Variants in STK3 observed in about 807,000 individuals in gnomAD.
STK3 encodes serine/threonine kinase 3, also known as serine/threonine-protein kinase 3.
In STK3, 41 loss-of-function variants were observed where a neutral mutation model predicts 58.0. The observed-to-expected ratio is 0.71, with a 90% CI of 0.55 to 0.92. The LOEUF (loss-of-function observed/expected upper bound fraction) is 0.92, where lower values mean the gene tolerates loss of function less well. Among genes scored for constraint, STK3 ranks in the 40% least tolerant of loss-of-function variants. The pLI is 0.00. For missense variants in STK3, 479 were observed against 602.7 expected (o/e 0.79, Z 2.15); for synonymous variants, 170 against 191.0 (o/e 0.89, Z 0.91).
chr8:98,699,506 G>A (rs966656248), intron 6 of STK3, among the ~76,000 whole-genome samples: 2 of 151,284 alleles, frequency 1.3e-5, no homozygotes, highest in Non-Finnish European at 3.0e-5. Context: ...TCTACTTTTG[G>A]TCTTTGATGA....
intron 10 of STK3, among the ~76,000 whole-genome samples, chr8:98,497,178 T>C (rs1823204164): frequency 6.6e-6 from 1 of 152,114 alleles, no homozygotes; most frequent in African/African-American, 2.4e-5. Context: ...TCTAGCAGGG[T>C]ACCAAGATAA....
At chr8:98,575,489 AC>A (rs1292472180) in intron 8 of STK3, among the ~76,000 whole-genome samples, 1 of 151,474 alleles carries the variant, frequency 6.6e-6, no homozygotes, top group African/African-American at 2.4e-5. Flanking sequence ...AAAAGAAAAC[AC>A]TGTACCCATT....
At chr8:98,788,345 G>C (rs544418267) in intron 1 of STK3, among the ~76,000 whole-genome samples, 5 of 151,988 alleles carry the variant, frequency 3.3e-5, no homozygotes, top group Non-Finnish European at 7.4e-5. Context: ...GGCTGAGACA[G>C]GAGAACTGCT....
intron 1 of STK3, among the ~76,000 whole-genome samples, chr8:98,901,314 C>T (rs1838648724): frequency 6.6e-6 from 1 of 152,236 alleles, no homozygotes. Context: ...TTACTATTCA[C>T]AATAAGCTTT....
At chr8:98,846,052 T>C (rs528076122) in intron 3 of STK3, among the ~76,000 whole-genome samples, 1 of 152,320 alleles carries the variant, frequency 6.6e-6, no homozygotes, top group East Asian at 1.9e-4. Context: ...AGCACCAAAA[T>C]GCCTCTGCCA....
intron 1 of STK3, among the ~76,000 whole-genome samples, chr8:98,936,477 T>C (rs1407060601): frequency 6.6e-6 from 1 of 152,196 alleles, no homozygotes; most frequent in Non-Finnish European, 1.5e-5. Context: ...AAATGTACAT[T>C]AAATGAATTA....
At chr8:98,559,681 G>C (rs949642059) in intron 8 of STK3, among the ~76,000 whole-genome samples, 5 of 152,000 alleles carry the variant, frequency 3.3e-5, no homozygotes, top group Admixed American at 3.3e-4. Flanking sequence ...TATGGACATC[G>C]CAAATTAAAT....
At chr8:98,719,557 T>C (rs1236651259) in intron 4 of STK3, among the ~76,000 whole-genome samples, 1 of 152,232 alleles carries the variant, frequency 6.6e-6, no homozygotes, top group East Asian at 1.9e-4. Context: ...AGGGATATTA[T>C]ACTAATTCAT....
chr8:98,803,082 C>A (rs570071211), intron 1 of STK3, among the ~76,000 whole-genome samples: 4 of 152,168 alleles, frequency 2.6e-5, no homozygotes, highest in Non-Finnish European at 5.9e-5. Context: ...ATTCTCTCTA[C>A]GCTTTTGTTT....
At chr8:98,721,974 G>A (rs1355689736) in intron 4 of STK3, among the ~76,000 whole-genome samples, 1 of 151,754 alleles carries the variant, frequency 6.6e-6, no homozygotes, top group African/African-American at 2.4e-5. Flanking sequence ...CAATCTAGCA[G>A]GAAATACAGA....
intron 7 of STK3, among the ~76,000 whole-genome samples, chr8:98,591,230 G>T (rs1172180169): frequency 6.6e-6 from 1 of 152,142 alleles, no homozygotes; most frequent in Admixed American, 6.5e-5. Flanking sequence ...TGAGCTATGC[G>T]ATCATGAGGG....
At chr8:98,767,213 G>GGTAA (rs2131444393) in intron 3 of STK3, 30 bp downstream of exon 3, 1 of 1,554,938 alleles carries the variant, frequency 6.4e-7, no homozygotes, top group Non-Finnish European at 8.7e-7. Flanking sequence ...TCAAAACAAG[G>GGTAA]GTAAGCAAAG....
intron 1 of STK3, among the ~76,000 whole-genome samples, chr8:98,819,586 T>C (rs558506345): frequency 6.6e-6 from 1 of 152,250 alleles, no homozygotes; most frequent in East Asian, 1.9e-4. Context: ...GATGCTCCTG[T>C]TTGGTTGGTT....
chr8:98,655,459 G>A (rs1821407546), intron 6 of STK3, among the ~76,000 whole-genome samples: 1 of 152,080 alleles, frequency 6.6e-6, no homozygotes, highest in Non-Finnish European at 1.5e-5. Flanking sequence ...CAAAAGCAAT[G>A]GCAACGAAAG....
At chr8:98,889,096 A>T (rs777624489) in intron 1 of STK3, among the ~76,000 whole-genome samples, 3 of 152,208 alleles carry the variant, frequency 2.0e-5, no homozygotes, top group Non-Finnish European at 2.9e-5. Flanking sequence ...CAGACAAATT[A>T]CATCAAAACA....
At chr8:98,653,650 T>C (rs1821182050) in intron 6 of STK3, among the ~76,000 whole-genome samples, 1 of 152,138 alleles carries the variant, frequency 6.6e-6, no homozygotes, top group African/African-American at 2.4e-5. Flanking sequence ...ATAAAGGGGA[T>C]ATCACGACCG....
intron 4 of STK3, among the ~76,000 whole-genome samples, chr8:98,728,593 T>C (rs893189624): frequency 2.6e-5 from 4 of 152,156 alleles, no homozygotes; most frequent in African/African-American, 9.7e-5. Context: ...GGTACACATT[T>C]TAAAATCCTT....
At chr8:98,619,243 G>T (rs1030296648) in intron 6 of STK3, among the ~76,000 whole-genome samples, 21 of 149,214 alleles carry the variant, frequency 1.4e-4, no homozygotes, top group African/African-American at 5.2e-4. Context: ...AAATGGTGCT[G>T]GGAAAACTGG....
At chr8:98,660,140 T>C (rs189006297) in intron 6 of STK3, among the ~76,000 whole-genome samples, 127 of 152,156 alleles carry the variant, frequency 8.3e-4, no homozygotes, top group Middle Eastern at 3.4e-3. Flanking sequence ...TTAAGGACAT[T>C]ATGCTAAGTG....
Sources: allele counts gnomAD v4.1 joint callset (sites outside exome capture counted in the v4.1 genomes callset), GRCh38; gene constraint gnomAD v4.1.1; transcripts MANE v1.5; gene names NCBI Gene and HGNC (gene_info 2026-07-23, HGNC 2026-07-21).